The following CMSS1 variants were observed in gnomAD, a reference collection of about 807,000 sequenced individuals.
The protein encoded by CMSS1 is protein CMSS1.
Under a neutral mutation model 43.5 loss-of-function variants are expected in CMSS1, and 33 were observed. That is an observed-to-expected ratio of 0.76 (90% CI 0.57 to 1.01). The LOEUF (loss-of-function observed/expected upper bound fraction) is 1.01. Among genes scored for constraint, CMSS1 ranks in the 50% least tolerant of loss-of-function variants. CMSS1 has a pLI of 0.00. For synonymous variants in CMSS1, 115 were observed against 117.2 expected, an observed-to-expected ratio of 0.98 and a Z score of 0.12; for missense variants, 313 against 326.4, an observed-to-expected ratio of 0.96 and a Z score of 0.32.
intron 1 of CMSS1, among the ~76,000 whole-genome samples, chr3:100,086,046 G>A (rs533893637): frequency 1.3e-5 from 2 of 152,166 alleles, no homozygotes; most frequent in Non-Finnish European, 2.9e-5. Context: ...AATATGATTC[G>A]TGTTAGAGAG....
intron 1 of CMSS1, among the ~76,000 whole-genome samples, chr3:100,069,877 C>T (rs972428975): frequency 1.3e-5 from 2 of 152,114 alleles, no homozygotes; most frequent in African/African-American, 4.8e-5. Context: ...AAATAGAGGA[C>T]TCACACTATC....
intron 1 of CMSS1, among the ~76,000 whole-genome samples, chr3:100,060,144 G>A (rs1359400108): frequency 6.6e-6 from 1 of 152,098 alleles, no homozygotes; most frequent in Non-Finnish European, 1.5e-5. Flanking sequence ...GTGTCACATG[G>A]TGGGTGGGCT....
chr3:99,975,533 A>C (rs994912835), intron 1 of CMSS1, among the ~76,000 whole-genome samples: 1 of 151,974 alleles, frequency 6.6e-6, no homozygotes, highest in Non-Finnish European at 1.5e-5. Context: ...CAGACGTTGC[A>C]GTGAGCCGAG....
intron 1 of CMSS1, chr3:99,848,220 A>G (rs1368504652): frequency 3.4e-5 from 53 of 1,575,322 alleles, no homozygotes; most frequent in Non-Finnish European, 4.6e-5. Context: ...TGATTAAAAA[A>G]GGATTGAGTT....
chr3:100,148,847 T>C (rs528273331), intron 2 of CMSS1, among the ~76,000 whole-genome samples: 1 of 152,260 alleles, frequency 6.6e-6, no homozygotes, highest in East Asian at 1.9e-4. Context: ...TCATCTTGGT[T>C]TTTTTTCTCC....
chr3:99,960,756 C>T (rs1331775283), intron 1 of CMSS1, among the ~76,000 whole-genome samples: 1 of 152,080 alleles, frequency 6.6e-6, no homozygotes, highest in Non-Finnish European at 1.5e-5. Flanking sequence ...GTAGTATTTT[C>T]TGTTATTGAT....
intron 1 of CMSS1, among the ~76,000 whole-genome samples, chr3:100,032,751 CACTT>C (rs1358115013): frequency 4.5e-4 from 69 of 152,218 alleles, no homozygotes; most frequent in African/African-American, 1.6e-3. Flanking sequence ...GTAGGTAACT[CACTT>C]ATAACAATTG....
chr3:99,972,609 G>A (rs1353762482), intron 1 of CMSS1, among the ~76,000 whole-genome samples: 1 of 152,142 alleles, frequency 6.6e-6, no homozygotes. Flanking sequence ...GTTTCCATGG[G>A]CTGTCGCGAG....
At chr3:100,086,561 A>G (rs1382328504) in intron 1 of CMSS1, among the ~76,000 whole-genome samples, 2 of 152,178 alleles carry the variant, frequency 1.3e-5, no homozygotes, top group African/African-American at 2.4e-5. Flanking sequence ...TTTTTAAGAA[A>G]AATTAAACTG....
intron 1 of CMSS1, among the ~76,000 whole-genome samples, chr3:99,828,731 C>T (rs779536282): frequency 7.2e-5 from 11 of 151,832 alleles, no homozygotes; most frequent in Non-Finnish European, 1.6e-4. Flanking sequence ...GCTGGGGTTA[C>T]TGGCGTGAGC....
chr3:99,894,802 A>G (rs1706196570), intron 1 of CMSS1, among the ~76,000 whole-genome samples: 1 of 152,244 alleles, frequency 6.6e-6, no homozygotes, highest in African/African-American at 2.4e-5. Flanking sequence ...CAATAATAGC[A>G]TAATTCACAA....
intron 1 of CMSS1, among the ~76,000 whole-genome samples, chr3:99,838,949 C>T (rs902431657): frequency 1.3e-5 from 2 of 152,106 alleles, no homozygotes; most frequent in Admixed American, 1.3e-4. Flanking sequence ...AGGTCTTTGC[C>T]CTTTAAGCCT....
At chr3:99,907,798 C>T (rs1456957646) in intron 1 of CMSS1, among the ~76,000 whole-genome samples, 6 of 152,178 alleles carry the variant, frequency 3.9e-5, no homozygotes, top group Non-Finnish European at 5.9e-5. Flanking sequence ...CTAATGCTAT[C>T]TGGATCCATT....
intron 1 of CMSS1, among the ~76,000 whole-genome samples, chr3:100,012,218 T>G (rs80301944): frequency 0.037 from 5,576 of 152,240 alleles, 323 homozygotes; most frequent in African/African-American, 0.13. Flanking sequence ...ATATCTAAAA[T>G]TATTTGTTTT....
intron 1 of CMSS1, among the ~76,000 whole-genome samples, chr3:100,091,158 A>T (rs996645295): frequency 6.6e-6 from 1 of 151,322 alleles, no homozygotes; most frequent in Non-Finnish European, 1.5e-5. Flanking sequence ...GGTGGCGGGC[A>T]CCTGTAGTCC....
chr3:99,902,234 A>T (rs887308010), intron 1 of CMSS1, among the ~76,000 whole-genome samples: 1 of 152,162 alleles, frequency 6.6e-6, no homozygotes, highest in African/African-American at 2.4e-5. Context: ...TTGAGTAGGA[A>T]TTTGGGGGCA....
At chr3:100,088,891 G>GT (rs1425357813) in intron 1 of CMSS1, among the ~76,000 whole-genome samples, 3 of 151,708 alleles carry the variant, frequency 2.0e-5, no homozygotes, top group Non-Finnish European at 2.9e-5. Flanking sequence ...GTAAATGTTT[G>GT]TTTTTTGTTA....
rs1944448267 is a variant in CMSS1 at position 99,865,059 on chromosome 3, C to T, written c.64+47016C>T. Reference sequence around the variant, plus strand: ...CCTCTTCTATTTTTGAAATAGGTACCATATTTGAAAGCATGGGTATAACTA... The same window carrying T: ...CCTCTTCTATTTTTGAAATAGGTACTATATTTGAAAGCATGGGTATAACTA... On this transcript the variant is annotated intron_variant, in intron 1 of 9. Coordinates refer to ENST00000421999, the MANE Select transcript of CMSS1 (RefSeq NM_032359.4). Among the ~76,000 whole-genome samples the T allele has an allele frequency of 2.6e-5, 4 of 152,006 alleles. No homozygotes were observed. In the South Asian group the frequency reaches 6.2e-4, roughly 24 times the overall value.
intron 1 of CMSS1, among the ~76,000 whole-genome samples, chr3:99,998,361 G>T (rs1193593769): frequency 2.6e-5 from 4 of 152,170 alleles, no homozygotes. Context: ...AATGTTTGGT[G>T]TAGCAACCCA....
Sources: gnomAD v4.1 joint callset for allele counts (sites outside exome capture counted in the v4.1 genomes callset) on GRCh38, gnomAD v4.1.1 for gene constraint, MANE v1.5 for transcripts, NCBI Gene and HGNC (gene_info 2026-07-23, HGNC 2026-07-21) for gene names.